MKS1: variants seen among roughly 807,000 people sequenced by gnomAD.
The protein encoded by MKS1 is tectonic-like complex member MKS1.
Under a neutral mutation model 83.7 loss-of-function variants are expected in MKS1, and 70 were observed. The observed-to-expected ratio is 0.84, with a 90% confidence interval of 0.69 to 1.02. The LOEUF (loss-of-function observed/expected upper bound fraction) is 1.02. Ranked by LOEUF, MKS1 falls within the 50% of genes least tolerant of loss-of-function variation. The probability of loss-of-function intolerance (pLI) is 0.00; values close to 1 mark genes in which losing one functional copy is unlikely to be tolerated. For missense variants in MKS1, 681 were observed against 726.9 expected (o/e 0.94, Z 0.73); for synonymous variants, 251 against 273.4 (o/e 0.92, Z 0.81).
chr17:58,219,171 GGGGTCCC>G lies in MKS1; in HGVS notation c.53_59del (p.Arg18ProfsTer33). Reference sequence around the variant, plus strand: ...ACTACCGGAGGCGCAAGTTGCGCACGGGGTCCCGGGAGCGATACACTGCCTCCCCGGT... The same window carrying G: ...ACTACCGGAGGCGCAAGTTGCGCACGGGGAGCGATACACTGCCTCCCCGGT... On this transcript the variant is annotated frameshift_variant, in exon 1 of 18. Transcript: ENST00000393119. LOFTEE classifies it high-confidence loss of function. 6.4e-7 allele frequency: 1 copy of G among 1,551,292 alleles called. No individual in the cohort carries two copies. Among genetic ancestry groups the G allele is most frequent in the Non-Finnish European group, 8.7e-7 (1 of 1,147,018 alleles).
At chr17:58,215,766 A>G in intron 4 of MKS1, 1 of 378,046 alleles carries the variant, frequency 2.6e-6, no homozygotes, top group South Asian at 2.3e-5. Flanking sequence ...AGACTCCACT[A>G]CCTGTCTTTT....
At chr17:58,213,639 C>T in intron 7 of MKS1, 126 bp downstream of exon 7, 1 of 782,504 alleles carries the variant, frequency 1.3e-6, no homozygotes, top group Non-Finnish European at 2.3e-6. Context: ...GAATACGAAC[C>T]ATTGCCTGGG....
chr17:58,218,484 A>AAC, intron 2 of MKS1, 136 bp downstream of exon 2: 1 of 419,476 alleles, frequency 2.4e-6, no homozygotes, highest in Non-Finnish European at 4.5e-6. Flanking sequence ...AAAAAAAGCC[A>AAC]CAAATAGAAT....
chr17:58,218,879 C>T lies in MKS1; in HGVS notation c.81-150G>A, dbSNP rs563495754. 5.9e-6 allele frequency: 5 copies of T among 849,728 alleles called. No homozygotes were observed. The East Asian group carries it at 7.9e-5, about 13-fold the overall frequency. 52.6% of individuals were successfully genotyped at this position (849,728 alleles called of 1,614,324 possible). A position where few individuals can be genotyped will look rare whatever the true frequency, so the allele number is the denominator to read the frequency against. On this transcript the variant is annotated intron_variant, in intron 1 of 17. Transcript: ENST00000393119. ...AGAGGAGGTGGGTGGGTGCGCCGTC[C>T]TATGGGGAAGAATGAAGGGGAGAGG...
chr17:58,218,829 A>T, intron 1 of MKS1, 100 bp from the exon 2 acceptor site: 6 of 1,128,692 alleles, frequency 5.3e-6, no homozygotes, highest in Non-Finnish European at 7.9e-6. Flanking sequence ...TAGGGTTGCC[A>T]AGGTGTGCTG....
chr17:58,219,045 G>A, intron 1 of MKS1, 106 bp downstream of exon 1: 1 of 1,455,664 alleles, frequency 6.9e-7, no homozygotes, highest in East Asian at 2.5e-5. Context: ...CGGAGAAGTG[G>A]TCGGGATTGT....
In MKS1 at chr17:58,209,668, A is replaced by C. The variant is rs1269711357; in HGVS notation, c.1024+991T>G. Among the ~76,000 whole-genome samples the C allele has an allele frequency of 6.6e-5, 10 of 152,200 alleles. No homozygotes were observed. The highest frequency in any genetic ancestry group is 5.9e-4 in the Admixed American group (9 of 15,284). ...GAACCTGGCTGGGAAGAATGACTGG[A>C]AGGTTGTATGGAAGAGATAGGCAGG... On this transcript the variant is annotated intron_variant, in intron 11 of 17. Coordinates refer to ENST00000393119, the MANE Select transcript of MKS1 (RefSeq NM_017777.4). This position sits in a 1 kb window ranked among gnomAD's most constrained non-coding sequence, Gnocchi z 4.1.
intron 14 of MKS1, chr17:58,207,509 C>T: frequency 1.8e-6 from 1 of 555,206 alleles, no homozygotes; most frequent in East Asian, 3.2e-5. Context: ...CCACCTGCAC[C>T]TCACAGAGTG....
rs763811094 is a variant in MKS1, at chr17:58,216,291, T to A, written c.262-48A>T. 3.3e-5 allele frequency: 52 copies of A among 1,588,950 alleles called. No homozygotes were observed. The highest frequency in any genetic ancestry group is 4.2e-5 in the Non-Finnish European group (49 of 1,166,374). ...GAGATGTGTACATCATTATAATACA[T>A]CAAACTTTTGCTTCTGTAACTGTTT... is the stretch of plus-strand genomic sequence containing the variant. On this transcript the variant is annotated intron_variant, in intron 3 of 17. Transcript: ENST00000393119.
At chr17:58,216,946 A>G (rs1567806478) in intron 2 of MKS1, among the ~76,000 whole-genome samples, 1 of 152,374 alleles carries the variant, frequency 6.6e-6, no homozygotes, top group South Asian at 2.1e-4. Flanking sequence ...GAACCCAGGA[A>G]GTCTTAGTCA....
At chr17:58,208,311 A>G (rs1968656899) in intron 12 of MKS1, 137 bp from the exon 13 acceptor site, 2 of 962,972 alleles carry the variant, frequency 2.1e-6, no homozygotes, top group Non-Finnish European at 3.3e-6. Context: ...GAGATGCAAA[A>G]GGACACCCAA....
In MKS1 at chr17:58,216,186, A is replaced by C; in HGVS notation, c.319T>G (p.Tyr107Asp). 1 of 1,614,084 alleles carries C rather than the reference A, an allele frequency of 6.2e-7. No individual in the cohort carries two copies. Among genetic ancestry groups the C allele is most frequent in the African/African-American group, 1.3e-5 (1 of 75,072 alleles). ...TACQSPLDYQ[Y>D]RQEILKLENS... ...TCCAGCTTCAGGATCTCCTGACGGT[A>C]CTGATAATCCAAAGGACTCTGACAG... Residue 107 changes from tyrosine (Y) to aspartate (D), a missense_variant, in exon 4 of 18, where the codon TAC (tyrosine) becomes GAC (aspartate). By Grantham distance (160) the Tyr-to-Asp change is radical (BLOSUM62 -3). This residue lies in a region of MKS1 where 365 missense variants were observed against 383.8 expected (regional missense o/e 0.95). Transcript: ENST00000393119.
intron 2 of MKS1, among the ~76,000 whole-genome samples, chr17:58,218,089 T>A (rs1969332805): frequency 6.6e-6 from 1 of 152,238 alleles, no homozygotes; most frequent in African/African-American, 2.4e-5. Context: ...GTCTCCAGTT[T>A]AAAAATTGTT....
intron 2 of MKS1, 45 bp from the exon 3 acceptor site, chr17:58,216,781 A>G (rs963001516): frequency 6.3e-6 from 10 of 1,583,142 alleles, no homozygotes; most frequent in Non-Finnish European, 7.8e-6. Context: ...CCAAACCAGC[A>G]CCACTTCTTG....
intron 9 of MKS1, among the ~76,000 whole-genome samples, chr17:58,211,596 T>A (rs1968878055): frequency 6.6e-6 from 1 of 152,144 alleles, no homozygotes; most frequent in African/African-American, 2.4e-5. Flanking sequence ...AGGGTCTTGA[T>A]CTGTTGTCCA....
Position 58,208,523 on chromosome 17 carries a change from G to A in MKS1, c.1085C>T (p.Ser362Phe). ...TCTCATTCTCCATACCATTGCCAGG[G>A]ACTTGGTGGTGCAGGTCTGTGTTAC... is the stretch of plus-strand genomic sequence containing the variant. ...SGVTQTCTTK[S>F]LAMDKVAHFS... Residue 362 changes from serine to phenylalanine, a missense_variant, in exon 12 of 18, where the codon TCC becomes TTC. Physicochemically the swap from Ser to Phe is radical, Grantham distance 155 (BLOSUM62 -2). Transcript: ENST00000393119. 6.2e-7 allele frequency: 1 copy of A among 1,614,064 alleles called. No homozygotes were observed. Among genetic ancestry groups the A allele is most frequent in the African/African-American group, 1.3e-5 (1 of 75,004 alleles).
Position 58,206,007 on chromosome 17 carries a change from G to C in MKS1, c.*72C>G, listed in dbSNP as rs1968477690. 5.2e-6 allele frequency: 8 copies of C among 1,552,524 alleles called. No individual in the cohort carries two copies. Among genetic ancestry groups the C allele is most frequent in the South Asian group, 1.2e-5 (1 of 84,784 alleles). ...CGTGGTCTCTAATCAGAAAGACGAA[G>C]AGGCAGGAGAGCACTGGCCTCAGAT... On this transcript the variant is annotated 3_prime_UTR_variant, in exon 18 of 18. Transcript: ENST00000393119.
chr17:58,207,700 G>A (rs1480011694), intron 14 of MKS1, 194 bp downstream of exon 14: 1 of 660,894 alleles, frequency 1.5e-6, no homozygotes. Flanking sequence ...AGACTGTCAG[G>A]AAGTCAGTGC....
At chr17:58,218,901 G>A in intron 1 of MKS1, 172 bp from the exon 2 acceptor site, 3 of 821,274 alleles carry the variant, frequency 3.7e-6, no homozygotes, top group Non-Finnish European at 6.0e-6. Flanking sequence ...ATGAAGGGGA[G>A]AGGGTGTACT....
Sources: gnomAD v4.1 joint callset for allele counts (sites outside exome capture counted in the v4.1 genomes callset) on GRCh38, gnomAD v4.1.1 for gene constraint, gnomAD v4.1.1 regional missense constraint, Gnocchi (gnomAD v3.1) non-coding constraint, MANE v1.5 for transcripts, NCBI Gene and HGNC (gene_info 2026-07-23, HGNC 2026-07-21) for gene names.